Variants in SIPA1L3 observed in about 807,000 individuals in gnomAD.
SIPA1L3 encodes signal-induced proliferation-associated 1-like protein 3.
In SIPA1L3, 59 loss-of-function variants were observed where a neutral mutation model predicts 150.1. The ratio of observed to expected loss-of-function variants is 0.39; its 90% CI spans 0.32 to 0.49. SIPA1L3 has a LOEUF of 0.49. Ranked by LOEUF, SIPA1L3 falls within the 20% of genes least tolerant of loss-of-function variation. The pLI, the probability that SIPA1L3 is intolerant of heterozygous loss-of-function variation, is 0.86. For synonymous variants in SIPA1L3, 1,070 were observed against 1,077.6 expected, an observed-to-expected ratio of 0.99 and a Z score of 0.14; for missense variants, 2,211 against 2,489.5, an observed-to-expected ratio of 0.89 and a Z score of 2.38.
chr19:38,100,722 G>A lies in SIPA1L3; in HGVS notation c.1855-330G>A, dbSNP rs149901272. 1.0e-3 allele frequency among the ~76,000 whole-genome samples: 156 copies of A among 152,294 alleles called. 1 individual carries two copies. Among genetic ancestry groups the A allele is most frequent in the Non-Finnish European group, 1.7e-3 (118 of 68,020 alleles). On this transcript the variant is annotated intron_variant, in intron 5 of 21. Coordinates refer to ENST00000222345, the MANE Select transcript of SIPA1L3 (RefSeq NM_015073.3). ...CAGATTTTGCTTTTGCAGAATCTCA[G>A]CCCATCCCAGTCCACCTACTGTGGG... is the stretch of plus-strand genomic sequence containing the variant.
chr19:37,913,705 T>C (rs1331697817), intron 1 of SIPA1L3, among the ~76,000 whole-genome samples: 1 of 137,542 alleles, frequency 7.3e-6, no homozygotes, highest in African/African-American at 2.6e-5. Flanking sequence ...CTTTTCTTTC[T>C]TTTTTTTTTT....
intron 1 of SIPA1L3, among the ~76,000 whole-genome samples, chr19:37,958,126 A>C (rs1353635085): frequency 6.6e-6 from 1 of 152,330 alleles, no homozygotes; most frequent in Middle Eastern, 3.4e-3. Flanking sequence ...TCAGTCTCAC[A>C]AGAAGTTGCA....
rs1332030246 is a variant in SIPA1L3, at chr19:38,130,920, G to T, written c.3143+148G>T. On this transcript the variant is annotated intron_variant, in intron 10 of 21. Transcript: ENST00000222345. The stretch of plus-strand genomic sequence containing the variant: ...GGAATAGTGGCAACAGTGACAGGAC[G>T]GGGAGGGCACATCTACAGAGCGCTT... The T allele has an allele frequency of 7.4e-6, 6 of 816,192 alleles. No individual in the cohort carries two copies. The East Asian group carries it at 1.6e-4, about 22-fold the overall frequency. The allele number at this position is 816,192 out of a possible 1,614,324, so 50.6% of individuals were successfully genotyped here. A position where few individuals can be genotyped will look rare whatever the true frequency, so the allele number is the denominator to read the frequency against.
intron 2 of SIPA1L3, among the ~76,000 whole-genome samples, chr19:38,036,292 C>T (rs2145730445): frequency 6.6e-6 from 1 of 152,364 alleles, no homozygotes; most frequent in South Asian, 2.1e-4. Flanking sequence ...CCGAATTAGC[C>T]CAGACCTTTC....
chr19:37,942,319 T>G (rs1224645197), intron 1 of SIPA1L3, among the ~76,000 whole-genome samples: 1 of 150,836 alleles, frequency 6.6e-6, no homozygotes, highest in Non-Finnish European at 1.5e-5. Flanking sequence ...CGCCTGGAAG[T>G]AGAAGGGATT....
intron 2 of SIPA1L3, among the ~76,000 whole-genome samples, chr19:38,039,152 G>A (rs542007973): frequency 1.2e-3 from 183 of 152,150 alleles, no homozygotes; most frequent in African/African-American, 4.1e-3. Context: ...CAAAGTGCTA[G>A]GATTACAGGC....
At chr19:38,127,275 T>C (rs1971198761) in intron 9 of SIPA1L3, among the ~76,000 whole-genome samples, 1 of 152,222 alleles carries the variant, frequency 6.6e-6, no homozygotes, top group African/African-American at 2.4e-5. Context: ...TCCTTCCCTC[T>C]CTTTCCCAAT....
chr19:38,024,589 A>G (rs926268035), intron 1 of SIPA1L3, among the ~76,000 whole-genome samples: 2 of 151,912 alleles, frequency 1.3e-5, no homozygotes, highest in Non-Finnish European at 2.9e-5. Flanking sequence ...TGCATTTTGG[A>G]CCCCAGTTTG....
At chr19:38,122,934 C>T (rs1003893034) in intron 9 of SIPA1L3, among the ~76,000 whole-genome samples, 2 of 152,204 alleles carry the variant, frequency 1.3e-5, no homozygotes, top group Admixed American at 1.3e-4. Context: ...ACGCGCTTTG[C>T]CTGCTTAACC....
In SIPA1L3 at chr19:38,000,913, A is replaced by G. The variant is rs1438587535; in HGVS notation, c.-378-28176A>G. Among the ~76,000 whole-genome samples the G allele has an allele frequency of 3.9e-5, 3 of 77,102 alleles. 1 individual carries two copies. In the Admixed American group the frequency reaches 4.5e-4, roughly 11 times the overall value. 50.6% of individuals were successfully genotyped at this position (77,102 alleles called of 152,430 possible). Reference sequence around the variant, plus strand: ...TATATGTTATATATATATATATAACATATATATAACATATATATAACATAT... The same window carrying G: ...TATATGTTATATATATATATATAACGTATATATAACATATATATAACATAT... On this transcript the variant is annotated intron_variant, in intron 1 of 21. Transcript: ENST00000222345.
intron 6 of SIPA1L3, among the ~76,000 whole-genome samples, chr19:38,102,174 G>A (rs1970519323): frequency 6.6e-6 from 1 of 150,746 alleles, no homozygotes. Flanking sequence ...AGCGTCCCAA[G>A]TAACTGGGAT....
At chr19:38,017,350 G>T (rs990613315) in intron 1 of SIPA1L3, among the ~76,000 whole-genome samples, 1 of 152,050 alleles carries the variant, frequency 6.6e-6, no homozygotes, top group African/African-American at 2.4e-5. Context: ...TGGAAAAACC[G>T]ATGAGACCCT....
chr19:38,136,183 C>CAAAAAAAAAA (rs56146390), intron 10 of SIPA1L3, among the ~76,000 whole-genome samples: 3 of 44,114 alleles, frequency 6.8e-5, no homozygotes, highest in African/African-American at 8.3e-5. Context: ...GAGACTGTCT[C>CAAAAAAAAAA]AAAAAAAAAA....
chr19:38,152,706 C>T (rs1971852629), intron 12 of SIPA1L3, 134 bp from the exon 13 acceptor site: 10 of 908,422 alleles, frequency 1.1e-5, no homozygotes, highest in South Asian at 4.7e-5. Context: ...CCTTCCTAAC[C>T]GCTTTCTCTC....
At chr19:38,148,601 T>C (rs1971750965) in intron 12 of SIPA1L3, among the ~76,000 whole-genome samples, 1 of 152,168 alleles carries the variant, frequency 6.6e-6, no homozygotes, top group Admixed American at 6.5e-5. Flanking sequence ...ACCTGTCTAT[T>C]GTTTCATCGG....
chr19:37,981,117 C>G (rs780445584), intron 1 of SIPA1L3, among the ~76,000 whole-genome samples: 2 of 152,132 alleles, frequency 1.3e-5, no homozygotes, highest in African/African-American at 2.4e-5. Context: ...TGGGCTCATA[C>G]TTTGTTAGTA....
chr19:38,122,860 G>C (rs966749575), intron 9 of SIPA1L3, among the ~76,000 whole-genome samples: 2 of 152,108 alleles, frequency 1.3e-5, no homozygotes, highest in Non-Finnish European at 2.9e-5. Context: ...GTCACATGTC[G>C]CCTTGTCGGT....
intron 2 of SIPA1L3, among the ~76,000 whole-genome samples, chr19:38,056,679 C>T (rs899553812): frequency 1.3e-5 from 2 of 152,202 alleles, no homozygotes; most frequent in African/African-American, 2.4e-5. Context: ...GAAATACTCA[C>T]CTAGTGAATG....
At chr19:38,030,677 G>A (rs1243141201) in intron 2 of SIPA1L3, among the ~76,000 whole-genome samples, 1 of 133,700 alleles carries the variant, frequency 7.5e-6, no homozygotes, top group Non-Finnish European at 1.6e-5. Context: ...GTGCTATATA[G>A]GTTTTGAATA....
Sources: allele counts gnomAD v4.1 joint callset (sites outside exome capture counted in the v4.1 genomes callset), GRCh38; gene constraint gnomAD v4.1.1; transcripts MANE v1.5; gene names NCBI Gene and HGNC (gene_info 2026-07-23, HGNC 2026-07-21).